DACT2: variants seen among roughly 807,000 people sequenced by gnomAD.
DACT2 encodes dapper homolog 2.
In DACT2, 20 loss-of-function variants were observed where a neutral mutation model predicts 22.2. The ratio of observed to expected loss-of-function variants is 0.90; its 90% CI spans 0.63 to 1.31. The LOEUF is 1.31. Among genes scored for constraint, DACT2 ranks in the 50% most tolerant of loss-of-function variants. The probability of loss-of-function intolerance (pLI) is 0.00; values close to 1 mark genes in which losing one functional copy is unlikely to be tolerated. For synonymous variants in DACT2, 463 were observed against 479.8 expected (o/e 0.96, Z 0.46); for missense variants, 1,048 against 1,061.4 (o/e 0.99, Z 0.18).
intron 1 of DACT2, among the ~76,000 whole-genome samples, chr6:168,314,644 G>A (rs551591342): frequency 1.3e-5 from 2 of 152,328 alleles, no homozygotes; most frequent in East Asian, 3.9e-4. Context: ...CCCTGGGCAA[G>A]TCAACAGTCC....
exon 6 of DACT2, chr6:168,293,830 A>G (rs1778952192): frequency 1.4e-6 from 1 of 702,262 alleles, no homozygotes; most frequent in Non-Finnish European, 2.6e-6. Context: ...GCCTGTGGCC[A>G]GGACCCGACT....
chr6:168,294,038 C>G lies in DACT2; in HGVS notation c.795+95G>C, dbSNP rs1461486828. On this transcript the variant is annotated intron_variant, in intron 5 of 5. Transcript: ENST00000366796. ...GCTACTGCTCTTTGCCTCCCCGTCCCCACAGAGCACCCACGATGCCCATGA... is the reference window on the plus strand; with the variant it reads ...GCTACTGCTCTTTGCCTCCCCGTCCGCACAGAGCACCCACGATGCCCATGA... 4 of 702,922 alleles carry G rather than the reference C, an allele frequency of 5.7e-6. No individual in the cohort carries two copies. The African/African-American group carries it at 7.0e-5, about 12-fold the overall frequency. 43.5% of individuals were successfully genotyped at this position (702,922 alleles called of 1,614,324 possible).
Position 168,307,311 on chromosome 6 carries a change from A to C in DACT2, c.*121T>G. ...ACCCATCTGCGGGGACTCCTGTTAA[A>C]CGGTGGCCTCGGAAGATAAAGCGAC... On this transcript the variant is annotated 3_prime_UTR_variant, in exon 4 of 4. Transcript: ENST00000366795. The surrounding 1 kb of genome is among the most constrained non-coding windows in gnomAD (Gnocchi z 5.3). 6.8e-7 allele frequency: 1 copy of C among 1,480,334 alleles called. No individual in the cohort carries two copies. Among genetic ancestry groups the C allele is most frequent in the Non-Finnish European group, 9.0e-7 (1 of 1,116,050 alleles). The allele number at this position is 1,480,334 out of a possible 1,614,324, so 91.7% of individuals were successfully genotyped here. A position where few individuals can be genotyped will look rare whatever the true frequency, so the allele number is the denominator to read the frequency against.
intron 3 of DACT2, among the ~76,000 whole-genome samples, chr6:168,301,802 C>T (rs551762734): frequency 3.2e-4 from 49 of 152,332 alleles, no homozygotes; most frequent in African/African-American, 1.1e-3. Flanking sequence ...TGTCCACACC[C>T]GGCGGCCTTT....
chr6:168,308,271 C>G lies in DACT2; in HGVS notation c.1486G>C (p.Ala496Pro), dbSNP rs377053427. ...SLKMGPPKSKAEKIKRSPMDK... is the reference protein window; with the variant it reads ...SLKMGPPKSKPEKIKRSPMDK... The stretch of plus-strand genomic sequence containing the variant: ...ATGGGACTTCTCTTGATTTTTTCAG[C>G]CTTGCTCTTGGGGGGACCCATTTTC... Residue 496 changes from alanine (A) to proline (P), a missense_variant, in exon 4 of 4, where the codon GCT becomes CCT. Transcript: ENST00000366795. 26 of 1,552,146 alleles carry G rather than the reference C, an allele frequency of 1.7e-5. No homozygotes were observed. The highest frequency in any genetic ancestry group is 2.2e-5 in the Non-Finnish European group (25 of 1,147,110).
At chr6:168,315,178 C>T (rs781012247) in intron 1 of DACT2, among the ~76,000 whole-genome samples, 17 of 152,202 alleles carry the variant, frequency 1.1e-4, no homozygotes, top group Non-Finnish European at 2.1e-4. Flanking sequence ...CATGTCAAGA[C>T]GGGGAAATTC....
chr6:168,315,053 ATGT>A (rs2114918611), intron 1 of DACT2, among the ~76,000 whole-genome samples: 1 of 152,328 alleles, frequency 6.6e-6, no homozygotes, highest in East Asian at 1.9e-4. Context: ...GCCAGGCATC[ATGT>A]TGATGCGGCA....
chr6:168,311,636 ACACACACACT>A (rs1246324140), intron 1 of DACT2, among the ~76,000 whole-genome samples: 5 of 150,608 alleles, frequency 3.3e-5, no homozygotes, highest in Non-Finnish European at 5.9e-5. Context: ...ACCCATCCAC[ACACACACACT>A]CACACACACA....
rs1227286475 is a variant in DACT2 at position 168,308,923 on chromosome 6, G to T, written c.834C>A (p.Pro278=). Residue 278 remains proline (P), a synonymous_variant, in exon 4 of 4, where the codon CCC becomes CCA. Transcript: ENST00000366795. Reference sequence around the variant, plus strand: ...GGCTCTGTAGAGCCACGGCGTGCAGGGGGCTGGGGTACGGGTACACCTCCC... The same window carrying T: ...GGCTCTGTAGAGCCACGGCGTGCAGTGGGCTGGGGTACGGGTACACCTCCC... ...GGREVYPYPS[P]LHAVALQSPL... 11 of 1,550,412 alleles carry T rather than the reference G, an allele frequency of 7.1e-6. No individual in the cohort carries two copies. The highest frequency in any genetic ancestry group is 9.6e-6 in the Non-Finnish European group (11 of 1,146,928).
rs1583305799 is a variant in DACT2, at chr6:168,319,418, C to T, written c.216G>A (p.Glu72=). Residue 72 remains glutamate (E), a synonymous_variant, in exon 1 of 4, where the codon GAG becomes GAA. Transcript: ENST00000366795. ...GCTCCTGCAGCGCGGCCAGCGCCGC[C>T]TCCAGCTGCTGCTCGGGGCCGTGGA... ...HGLHGPEQQL[E]AALAALQEQL... The T allele has an allele frequency of 8.3e-7, 1 of 1,204,550 alleles. No homozygotes were observed. Among genetic ancestry groups the T allele is most frequent in the Non-Finnish European group, 1.0e-6 (1 of 970,668 alleles). 74.6% of individuals were successfully genotyped at this position (1,204,550 alleles called of 1,614,324 possible).
Position 168,308,843 on chromosome 6 carries a change from C to T in DACT2, c.914G>A (p.Arg305Lys). 1 of 1,551,154 alleles carries T rather than the reference C, an allele frequency of 6.4e-7. No individual in the cohort carries two copies. Among genetic ancestry groups the T allele is most frequent in the Non-Finnish European group, 8.7e-7 (1 of 1,146,872 alleles). Reference sequence around the variant, plus strand: ...ACCTGCGGGGCCCCTGGGGCTCTCCCTAGGGAACGAGGGGCCACCTCTCTG... The same window carrying T: ...ACCTGCGGGGCCCCTGGGGCTCTCCTTAGGGAACGAGGGGCCACCTCTCTG... ...TPQRGGPSFP[R>K]ESPRGPAGLN... The change falls in exon 4 of 4, where the codon AGG becomes AAG. Residue 305 changes from arginine to lysine, a missense_variant. Physicochemically the swap from Arg to Lys is conservative, Grantham distance 26. Coordinates refer to ENST00000366795, the MANE Select transcript of DACT2 (RefSeq NM_214462.5).
rs911540065 is a variant in DACT2 at position 168,308,750 on chromosome 6, C to T, written c.1007G>A (p.Arg336Lys). ...CTCCCGGCCCCACAGATGCAGCAAC[C>T]TGTCGATATAAGCTCTGGCCCTGGC... ...GPARARAYIDRLLHLWGRETP... is the reference protein window; with the variant it reads ...GPARARAYIDKLLHLWGRETP... The change falls in exon 4 of 4, where the codon AGG becomes AAG. Residue 336 changes from arginine to lysine, a missense_variant. Arg to Lys is a conservative substitution (Grantham distance 26). Coordinates refer to ENST00000366795, the MANE Select transcript of DACT2 (RefSeq NM_214462.5). 2 of 1,551,346 alleles carry T rather than the reference C, an allele frequency of 1.3e-6. No homozygotes were observed. The highest frequency in any genetic ancestry group is 1.7e-6 in the Non-Finnish European group (2 of 1,147,040).
downstream of DACT2, among the ~76,000 whole-genome samples, chr6:168,306,625 T>C (rs925858295): frequency 1.4e-5 from 2 of 146,928 alleles, no homozygotes; most frequent in Admixed American, 6.7e-5. Context: ...TTTTTTTTTG[T>C]ATTTTTAGCA....
chr6:168,293,766 G>C, exon 6 of DACT2: 1 of 676,248 alleles, frequency 1.5e-6, no homozygotes, highest in Admixed American at 2.0e-5. Flanking sequence ...TGTGGGGAAA[G>C]CAGAGTGACT....
At chr6:168,311,597 TACAC>T (rs764745810) in intron 1 of DACT2, among the ~76,000 whole-genome samples, 3 of 100,464 alleles carry the variant, frequency 3.0e-5, no homozygotes, top group African/African-American at 1.3e-4. Context: ...CACACACACA[TACAC>T]ACACACTCAC....
At chr6:168,313,463 C>A (rs535334199) in intron 1 of DACT2, among the ~76,000 whole-genome samples, 11 of 152,328 alleles carry the variant, frequency 7.2e-5, no homozygotes, top group African/African-American at 2.6e-4. Context: ...CCTTACCCTG[C>A]ACACTTTTAC....
intron 3 of DACT2, 150 bp from the exon 4 acceptor site, chr6:168,309,248 G>T: frequency 7.9e-7 from 1 of 1,271,318 alleles, no homozygotes; most frequent in Non-Finnish European, 1.1e-6. Context: ...GCGACTCACA[G>T]TCACTGAGGT....
chr6:168,297,538 C>T (rs754491965), intron 3 of DACT2, among the ~76,000 whole-genome samples: 3 of 152,162 alleles, frequency 2.0e-5, no homozygotes, highest in East Asian at 1.9e-4. Context: ...CTAGAACCTC[C>T]GGGAGTCAGC....
downstream of DACT2, among the ~76,000 whole-genome samples, chr6:168,305,206 G>A (rs369201607): frequency 1.2e-3 from 179 of 152,284 alleles, 1 homozygote; most frequent in South Asian, 2.3e-3. Context: ...CCGATGCAAC[G>A]GCTGCATTTT....
Sources: allele counts gnomAD v4.1 joint callset (sites outside exome capture counted in the v4.1 genomes callset), GRCh38; gene constraint gnomAD v4.1.1; non-coding constraint Gnocchi (gnomAD v3.1); transcripts MANE v1.5; gene names NCBI Gene and HGNC (gene_info 2026-07-23, HGNC 2026-07-21).